The following MPZL3 variants were observed in gnomAD, a reference collection of about 807,000 sequenced individuals.
MPZL3 encodes the protein myelin protein zero-like protein 3.
MPZL3 carries 23 observed loss-of-function variants against 24.8 expected under a neutral mutation model. That is an observed-to-expected ratio of 0.93 (90% CI 0.67 to 1.31). The LOEUF (loss-of-function observed/expected upper bound fraction) is 1.31, where lower values mean the gene tolerates loss of function less well. Ranked by LOEUF, MPZL3 falls within the 40% of genes most tolerant of loss-of-function variation. The pLI, the probability that MPZL3 is intolerant of heterozygous loss-of-function variation, is 0.00. For missense variants in MPZL3, 277 were observed against 294.9 expected, an observed-to-expected ratio of 0.94 and a Z score of 0.44; for synonymous variants, 99 against 106.5, an observed-to-expected ratio of 0.93 and a Z score of 0.44.
intron 2 of MPZL3, among the ~76,000 whole-genome samples, chr11:118,238,131 C>T (rs796465283): frequency 5.8e-5 from 6 of 103,898 alleles, no homozygotes; most frequent in South Asian, 4.4e-4. Flanking sequence ...AGCTAGACTC[C>T]GCCTCAAAAA....
chr11:118,248,154 C>T (rs1033361056), intron 1 of MPZL3, among the ~76,000 whole-genome samples: 3 of 140,026 alleles, frequency 2.1e-5, no homozygotes, highest in Non-Finnish European at 3.0e-5. Flanking sequence ...TGGCTCACTG[C>T]ATCCTCCACC....
intron 3 of MPZL3, among the ~76,000 whole-genome samples, chr11:118,235,855 A>G (rs1949419536): frequency 6.6e-6 from 1 of 152,180 alleles, no homozygotes; most frequent in Admixed American, 6.5e-5. Flanking sequence ...GGGCATATAT[A>G]TTTTTAAGTA....
chr11:118,250,200 T>A (rs1335018153), intron 1 of MPZL3, among the ~76,000 whole-genome samples: 1 of 140,762 alleles, frequency 7.1e-6, no homozygotes, highest in Non-Finnish European at 1.6e-5. Context: ...TTTTTTGTAT[T>A]TTTTGGTAGA....
chr11:118,231,362 T>C (rs1316829829), intron 5 of MPZL3, among the ~76,000 whole-genome samples: 3 of 152,198 alleles, frequency 2.0e-5, no homozygotes, highest in African/African-American at 7.2e-5. Context: ...TTAGCCTCTT[T>C]ACTAATAATT....
Position 118,229,505 on chromosome 11 carries a change from T to C in MPZL3, c.*389A>G. 1.2e-5 allele frequency: 2 copies of C among 172,118 alleles called. No individual in the cohort carries two copies. The highest frequency in any genetic ancestry group is 2.5e-5 in the Non-Finnish European group (2 of 80,574). The allele number at this position is 172,118 out of a possible 1,614,324, so 10.7% of individuals were successfully genotyped here. On this transcript the variant is annotated 3_prime_UTR_variant, in exon 6 of 6. Transcript: ENST00000278949. ...TCAGGAAGCCACAAGCTCCACTTCA[T>C]TTAAAAAATTATTTGGGTATCAGCG...
chr11:118,248,170 G>C (rs983799406), intron 1 of MPZL3, among the ~76,000 whole-genome samples: 1 of 148,018 alleles, frequency 6.8e-6, no homozygotes, highest in Admixed American at 6.9e-5. Context: ...CCACCTCCCG[G>C]GTTCAAATGA....
At chr11:118,238,843 G>C (rs553660853) in intron 2 of MPZL3, among the ~76,000 whole-genome samples, 1 of 150,708 alleles carries the variant, frequency 6.6e-6, no homozygotes, top group East Asian at 1.9e-4. Context: ...ATTTCAAAGG[G>C]GGAGGTAAAG....
chr11:118,243,735 G>C (rs914160519), intron 1 of MPZL3, among the ~76,000 whole-genome samples: 2 of 149,174 alleles, frequency 1.3e-5, no homozygotes, highest in Non-Finnish European at 3.0e-5. Context: ...TCACACCACT[G>C]TACTCCAGCC....
chr11:118,238,862 C>T (rs777905635), intron 2 of MPZL3, among the ~76,000 whole-genome samples: 1 of 152,138 alleles, frequency 6.6e-6, no homozygotes, highest in Non-Finnish European at 1.5e-5. Flanking sequence ...AGAATCCCTA[C>T]CACTAATTAT....
At chr11:118,239,508 T>C (rs1949466408) in intron 2 of MPZL3, among the ~76,000 whole-genome samples, 2 of 152,228 alleles carry the variant, frequency 1.3e-5, no homozygotes, top group African/African-American at 4.8e-5. Flanking sequence ...GAGCTAAGGA[T>C]ACTGCTGGAA....
At chr11:118,251,921 A>T (rs1728166585) in intron 1 of MPZL3, among the ~76,000 whole-genome samples, 1 of 152,178 alleles carries the variant, frequency 6.6e-6, no homozygotes, top group South Asian at 2.1e-4. Context: ...ACACCACAAA[A>T]TAACACCGGG....
rs1437471787 is a variant in MPZL3 at position 118,227,999 on chromosome 11, C to T, written c.*1895G>A. On this transcript the variant is annotated 3_prime_UTR_variant, in exon 6 of 6. Transcript: ENST00000278949. ...AGAAATGGTCACGTTAGATTGGCCT[C>T]AGACAACCACAAAAGTTAACAAGCA... The T allele has an allele frequency of 6.6e-6, 1 of 152,196 alleles. No individual in the cohort carries two copies. The highest frequency in any genetic ancestry group is 1.5e-5 in the Non-Finnish European group (1 of 68,032). The allele number at this position is 152,196 out of a possible 1,614,324, so 9.4% of individuals were successfully genotyped here.
chr11:118,251,302 C>A (rs998623447), intron 1 of MPZL3, among the ~76,000 whole-genome samples: 1 of 151,962 alleles, frequency 6.6e-6, no homozygotes, highest in Non-Finnish European at 1.5e-5. Flanking sequence ...GCCTTAACTG[C>A]TAAGATTTAG....
intron 5 of MPZL3, among the ~76,000 whole-genome samples, 199 bp downstream of exon 5, chr11:118,233,261 C>T (rs76675432): frequency 0.023 from 3,460 of 152,236 alleles, 147 homozygotes; most frequent in South Asian, 0.19. Flanking sequence ...TCTACGACCA[C>T]GAGACAGGAA....
intron 3 of MPZL3, 68 bp downstream of exon 3, chr11:118,236,982 G>A (rs1228485586): frequency 1.2e-5 from 16 of 1,379,590 alleles, no homozygotes; most frequent in African/African-American, 1.4e-5. Context: ...GTTTATCATC[G>A]AGCTCTCCAG....
chr11:118,245,129 G>C (rs1027377492), intron 1 of MPZL3, among the ~76,000 whole-genome samples: 1 of 151,972 alleles, frequency 6.6e-6, no homozygotes. Context: ...AAGGAATCAA[G>C]AGTGAATATG....
At chr11:118,230,883 C>T (rs950648149) in intron 5 of MPZL3, among the ~76,000 whole-genome samples, 4 of 152,190 alleles carry the variant, frequency 2.6e-5, no homozygotes, top group Admixed American at 6.5e-5. Flanking sequence ...TGGCATTACA[C>T]CAGCAATCCT....
rs1048943995 is a variant in MPZL3 at position 118,226,709 on chromosome 11, A to C, written c.*3185T>G. The stretch of plus-strand genomic sequence containing the variant: ...AAAAGGTAGCCAAAGGGTACAAAGA[A>C]GTTTATTGACTATGATGCAGTAAAG... On this transcript the variant is annotated 3_prime_UTR_variant, in exon 6 of 6. Coordinates refer to ENST00000278949, the MANE Select transcript of MPZL3 (RefSeq NM_198275.3). 2 of 152,220 alleles carry C rather than the reference A, an allele frequency of 1.3e-5. No individual in the cohort carries two copies. Among genetic ancestry groups the C allele is most frequent in the African/African-American group, 2.4e-5 (1 of 41,446 alleles). The allele number at this position is 152,220 out of a possible 1,614,324, so 9.4% of individuals were successfully genotyped here.
chr11:118,248,931 T>C (rs1949588247), intron 1 of MPZL3, among the ~76,000 whole-genome samples: 1 of 152,236 alleles, frequency 6.6e-6, no homozygotes, highest in African/African-American at 2.4e-5. Context: ...GTGTTTAGTT[T>C]CCCAGTGTCC....
Sources: gnomAD v4.1 joint callset for allele counts (sites outside exome capture counted in the v4.1 genomes callset) on GRCh38, gnomAD v4.1.1 for gene constraint, MANE v1.5 for transcripts, NCBI Gene and HGNC (gene_info 2026-07-23, HGNC 2026-07-21) for gene names.